Variants in FBXL13 observed in about 807,000 individuals in gnomAD.
FBXL13 encodes the protein F-box and leucine rich repeat protein 13, also known as F-box and leucine-rich repeat protein 13.
FBXL13 carries 67 observed loss-of-function variants against 83.6 expected under a neutral mutation model. The ratio of observed to expected loss-of-function variants is 0.80; its 90% CI spans 0.66 to 0.98. The LOEUF (loss-of-function observed/expected upper bound fraction) is 0.98. Ranked by LOEUF, FBXL13 falls within the 50% of genes least tolerant of loss-of-function variation. FBXL13 has a pLI of 0.00. For synonymous variants in FBXL13, 272 were observed against 299.5 expected, an observed-to-expected ratio of 0.91 and a Z score of 0.95; for missense variants, 822 against 866.5, an observed-to-expected ratio of 0.95 and a Z score of 0.64.
At chr7:102,898,886 T>C (rs1162975626) in intron 11 of FBXL13, among the ~76,000 whole-genome samples, 1 of 152,122 alleles carries the variant, frequency 6.6e-6, no homozygotes, top group East Asian at 1.9e-4. Context: ...GGAAGTATTC[T>C]TTTATTTTTA....
At position 102,868,286 on chromosome 7, in the gene FBXL13, T is replaced by C. The variant is rs143518980; in HGVS notation, c.1635+9181A>G. On this transcript the variant is annotated intron_variant, in intron 16 of 19. Transcript: ENST00000313221. ...CTATCTCACTGTAACTTTGTACCTA[T>C]TGACCAACCTCTCCTCATCTCCCCT... Among the ~76,000 whole-genome samples, 469 of 152,274 alleles carry C rather than the reference T, an allele frequency of 3.1e-3. 3 individuals are homozygous for C. Among genetic ancestry groups the C allele is most frequent in the South Asian group, 7.9e-3 (38 of 4,830 alleles).
intron 11 of FBXL13, among the ~76,000 whole-genome samples, chr7:102,899,628 C>A (rs1480017699): frequency 6.6e-6 from 1 of 152,134 alleles, no homozygotes; most frequent in African/African-American, 2.4e-5. Flanking sequence ...ATCTTAACCC[C>A]TGAAGATGGA....
chr7:102,973,326 G>C (rs924958515), intron 6 of FBXL13: 34 of 588,960 alleles, frequency 5.8e-5, no homozygotes, highest in Non-Finnish European at 9.6e-5. Context: ...CAAGATAGCA[G>C]AAGCAGGAAG....
At position 103,055,077 on chromosome 7, in the gene FBXL13, C is replaced by A. The variant is rs1196979969; in HGVS notation, c.-1+567G>T. 1 of 1,252,500 alleles carries A rather than the reference C, an allele frequency of 8.0e-7. No individual in the cohort carries two copies. The highest frequency in any genetic ancestry group is 2.4e-5 in the Admixed American group (1 of 41,872). 77.6% of individuals were successfully genotyped at this position (1,252,500 alleles called of 1,614,324 possible). A position where few individuals can be genotyped will look rare whatever the true frequency, so the allele number is the denominator to read the frequency against. On this transcript the variant is annotated intron_variant, in intron 2 of 19. Coordinates refer to ENST00000313221, the Ensembl canonical transcript of FBXL13. ...ATATATATTTGCGTATTCTTGATTA[C>A]TAATAATTACCAGCTGATCATCCAA... is the stretch of plus-strand genomic sequence containing the variant.
At chr7:102,962,381 G>A (rs574218214) in intron 8 of FBXL13, among the ~76,000 whole-genome samples, 3 of 152,204 alleles carry the variant, frequency 2.0e-5, no homozygotes, top group East Asian at 3.9e-4. Context: ...TTACACTGTC[G>A]GTGGGACTGT....
At chr7:103,059,068 G>A (rs1038947593) in intron 1 of FBXL13, among the ~76,000 whole-genome samples, 2 of 151,998 alleles carry the variant, frequency 1.3e-5, no homozygotes, top group African/African-American at 2.4e-5. Context: ...AGGACTACCC[G>A]GGGCAATACA....
intron 8 of FBXL13, among the ~76,000 whole-genome samples, chr7:102,948,564 C>A (rs1822904353): frequency 6.6e-6 from 1 of 151,956 alleles, no homozygotes; most frequent in Admixed American, 6.6e-5. Context: ...GCTAGGACTA[C>A]AGGTGCCCGC....
chr7:103,069,887 G>T (rs1199445355), intron 1 of FBXL13, among the ~76,000 whole-genome samples: 1 of 152,146 alleles, frequency 6.6e-6, no homozygotes, highest in Non-Finnish European at 1.5e-5. Context: ...GACCATCCTG[G>T]CTAACACGGT....
At chr7:102,944,362 C>A in intron 8 of FBXL13, 1 of 1,614,054 alleles carries the variant, frequency 6.2e-7, no homozygotes, top group Non-Finnish European at 8.5e-7. Context: ...CATTCACTAC[C>A]TCTACTACTG....
intron 14 of FBXL13, among the ~76,000 whole-genome samples, chr7:102,878,910 G>C (rs1584750956): frequency 6.6e-6 from 1 of 152,188 alleles, no homozygotes; most frequent in African/African-American, 2.4e-5. Context: ...TGAGCCCTTT[G>C]GCTTCTTTCC....
At chr7:102,887,778 A>G (rs1426984091) in intron 11 of FBXL13, among the ~76,000 whole-genome samples, 2 of 152,198 alleles carry the variant, frequency 1.3e-5, no homozygotes, top group East Asian at 3.8e-4. Context: ...CTTTGCAACA[A>G]CATTTACACT....
chr7:103,040,358 T>A (rs1795534358), intron 2 of FBXL13, among the ~76,000 whole-genome samples: 1 of 152,040 alleles, frequency 6.6e-6, no homozygotes, highest in Admixed American at 6.6e-5. Context: ...AGACTTAGAC[T>A]CCCACACCAT....
rs142961241 is a variant in FBXL13 at position 102,915,916 on chromosome 7, C to T, written c.879-2701G>A. Reference sequence around the variant, plus strand: ...TATATGAGTAAAAATGTCCCAGAGACTGCTAATACTTCTGTAGTTTTTACC... The same window carrying T: ...TATATGAGTAAAAATGTCCCAGAGATTGCTAATACTTCTGTAGTTTTTACC... On this transcript the variant is annotated intron_variant, in intron 10 of 19. Coordinates refer to ENST00000313221, the Ensembl canonical transcript of FBXL13. 3.7e-3 allele frequency among the ~76,000 whole-genome samples: 566 copies of T among 151,892 alleles called. 5 individuals are homozygous for T. The highest frequency in any genetic ancestry group is 0.013 in the African/African-American group (559 of 41,460).
chr7:102,879,705 A>G (rs1268146049), intron 14 of FBXL13, among the ~76,000 whole-genome samples: 2 of 151,216 alleles, frequency 1.3e-5, no homozygotes, highest in East Asian at 1.9e-4. Context: ...TTTTTTTTGT[A>G]TGTTTGTTTG....
intron 1 of FBXL13, among the ~76,000 whole-genome samples, chr7:103,073,914 C>T (rs886172232): frequency 2.6e-5 from 4 of 152,164 alleles, no homozygotes; most frequent in African/African-American, 9.7e-5. Context: ...GCACCAACAT[C>T]CCCATCCCCA....
chr7:103,027,678 T>C, intron 4 of FBXL13, 120 bp from the exon 6 acceptor site: 2 of 575,120 alleles, frequency 3.5e-6, no homozygotes, highest in Non-Finnish European at 5.7e-6. Context: ...TCGTTTTTGT[T>C]TGGTCTTATT....
intron 8 of FBXL13, among the ~76,000 whole-genome samples, chr7:102,961,776 T>A (rs1825253039): frequency 7.3e-6 from 1 of 137,506 alleles, no homozygotes; most frequent in South Asian, 2.6e-4. Flanking sequence ...GAAAACTGGC[T>A]AGCCATATGT....
chr7:103,066,461 G>A (rs534858724), intron 1 of FBXL13, among the ~76,000 whole-genome samples: 2 of 151,264 alleles, frequency 1.3e-5, no homozygotes, highest in East Asian at 1.9e-4. Flanking sequence ...GTGCGATCTC[G>A]GCTCACTGCA....
intron 8 of FBXL13, among the ~76,000 whole-genome samples, chr7:102,943,258 C>T (rs1423660221): frequency 6.6e-6 from 1 of 151,770 alleles, no homozygotes; most frequent in Non-Finnish European, 1.5e-5. Context: ...TCATTTTTAT[C>T]TGCACTTGTC....
Sources: allele counts gnomAD v4.1 joint callset (sites outside exome capture counted in the v4.1 genomes callset), GRCh38; gene constraint gnomAD v4.1.1; transcripts MANE v1.5; gene names NCBI Gene and HGNC (gene_info 2026-07-23, HGNC 2026-07-21).